The following ATXN7L1 variants were observed in gnomAD, a reference collection of about 807,000 sequenced individuals.
The protein encoded by ATXN7L1 is ataxin-7-like protein 1.
Under a neutral mutation model 70.8 loss-of-function variants are expected in ATXN7L1, and 15 were observed. The observed-to-expected ratio is 0.21, with a 90% CI of 0.14 to 0.33. ATXN7L1 has a LOEUF of 0.33. Among genes scored for constraint, ATXN7L1 ranks in the 10% least tolerant of loss-of-function variants. The pLI is 1.00. For synonymous variants in ATXN7L1, 440 were observed against 445.1 expected, an observed-to-expected ratio of 0.99 and a Z score of 0.14; for missense variants, 975 against 1,097.1, an observed-to-expected ratio of 0.89 and a Z score of 1.57.
intron 2 of ATXN7L1, among the ~76,000 whole-genome samples, chr7:105,836,212 C>A (rs777859764): frequency 1.3e-4 from 20 of 152,286 alleles, no homozygotes; most frequent in Middle Eastern, 6.8e-3. Flanking sequence ...ACCCCAAACT[C>A]TTGCAGTGAA....
intron 3 of ATXN7L1, among the ~76,000 whole-genome samples, chr7:105,768,575 C>A (rs1167937789): frequency 6.6e-6 from 1 of 152,214 alleles, no homozygotes; most frequent in East Asian, 1.9e-4. Context: ...GGTTTACATG[C>A]ATGAAACATG....
intron 3 of ATXN7L1, among the ~76,000 whole-genome samples, chr7:105,775,763 C>T (rs944744559): frequency 7.2e-5 from 11 of 152,154 alleles, no homozygotes; most frequent in African/African-American, 2.7e-4. Flanking sequence ...TCTAGGCCCA[C>T]GTTCTTAGGA....
At chr7:105,863,568 T>G (rs1249016340) in intron 2 of ATXN7L1, among the ~76,000 whole-genome samples, 1 of 152,138 alleles carries the variant, frequency 6.6e-6, no homozygotes, top group African/African-American at 2.4e-5. Flanking sequence ...TTCCCCTTAG[T>G]CCTAACCCTG....
intron 2 of ATXN7L1, among the ~76,000 whole-genome samples, chr7:105,864,554 C>T (rs1171147480): frequency 6.6e-6 from 1 of 150,926 alleles, no homozygotes; most frequent in Non-Finnish European, 1.5e-5. Flanking sequence ...GCCGGGGGCA[C>T]GAAGTACCCT....
At chr7:105,782,625 T>A (rs1373027328) in intron 3 of ATXN7L1, among the ~76,000 whole-genome samples, 1 of 152,222 alleles carries the variant, frequency 6.6e-6, no homozygotes, top group Non-Finnish European at 1.5e-5. Flanking sequence ...GGGGGCTCCA[T>A]GTCACCCCTG....
chr7:105,649,267 C>G, intron 4 of ATXN7L1: 1 of 733,538 alleles, frequency 1.4e-6, no homozygotes, highest in African/African-American at 1.9e-5. Flanking sequence ...AGGGCTGCAG[C>G]CTGTTCCCCT....
At position 105,700,184 on chromosome 7, in the gene ATXN7L1, C is replaced by T. The variant is rs1024758909; in HGVS notation, c.356-34896G>A. Among the ~76,000 whole-genome samples, 3 of 152,204 alleles carry T rather than the reference C, an allele frequency of 2.0e-5. No homozygotes were observed. The East Asian group carries it at 5.8e-4, about 29-fold the overall frequency. ...TGTTTTCTTTTGTGAAAGGAATATT[C>T]CAATGACTGGGGCTGGTGGTGCTAG... On this transcript the variant is annotated intron_variant, in intron 3 of 11. Coordinates refer to ENST00000419735, the MANE Select transcript of ATXN7L1 (RefSeq NM_020725.2).
intron 3 of ATXN7L1, among the ~76,000 whole-genome samples, chr7:105,670,290 C>G (rs1429666453): frequency 2.0e-5 from 3 of 152,178 alleles, no homozygotes; most frequent in African/African-American, 7.2e-5. Flanking sequence ...GAGGCTCAAT[C>G]ATGTCTTTCT....
intron 2 of ATXN7L1, among the ~76,000 whole-genome samples, chr7:105,794,108 A>T (rs1805657219): frequency 6.6e-6 from 1 of 152,094 alleles, no homozygotes. Flanking sequence ...TATTTCATTT[A>T]AAAAATGCTC....
intron 7 of ATXN7L1, among the ~76,000 whole-genome samples, chr7:105,630,657 G>A (rs1457805803): frequency 3.3e-5 from 5 of 152,062 alleles, no homozygotes; most frequent in African/African-American, 1.2e-4. Context: ...GGGAAGCAGA[G>A]GTTGCACTGA....
intron 3 of ATXN7L1, among the ~76,000 whole-genome samples, chr7:105,701,963 G>A (rs764417279): frequency 2.0e-5 from 3 of 152,216 alleles, no homozygotes; most frequent in Non-Finnish European, 2.9e-5. Context: ...GGAAACTCAA[G>A]CAGACGTGTT....
intron 3 of ATXN7L1, among the ~76,000 whole-genome samples, chr7:105,688,890 T>C (rs1164234159): frequency 1.3e-5 from 2 of 152,244 alleles, no homozygotes; most frequent in Admixed American, 6.5e-5. Flanking sequence ...ATCAGCTTAC[T>C]TTCTTGTTTC....
intron 3 of ATXN7L1, among the ~76,000 whole-genome samples, chr7:105,772,063 ATTTTTTTTTTTTT>A (rs533366742): frequency 1.0e-4 from 10 of 99,826 alleles, no homozygotes; most frequent in South Asian, 9.4e-4. Flanking sequence ...TCAGATTGGA[ATTTTTTTTTTTTT>A]TTTTTTTTTT....
At chr7:105,766,476 G>C (rs1261326851) in intron 3 of ATXN7L1, among the ~76,000 whole-genome samples, 1 of 152,210 alleles carries the variant, frequency 6.6e-6, no homozygotes, top group African/African-American at 2.4e-5. Flanking sequence ...GACATGAGAT[G>C]TTGAGCTCAC....
chr7:105,768,650 G>A (rs1265615333), intron 3 of ATXN7L1, among the ~76,000 whole-genome samples: 1 of 152,186 alleles, frequency 6.6e-6, no homozygotes, highest in Non-Finnish European at 1.5e-5. Flanking sequence ...AATGCTGAAG[G>A]GATTTATTCC....
chr7:105,680,250 TAG>T (rs1805357519), intron 3 of ATXN7L1, among the ~76,000 whole-genome samples: 1 of 152,130 alleles, frequency 6.6e-6, no homozygotes, highest in South Asian at 2.1e-4. Flanking sequence ...TTAGAGAGAT[TAG>T]AGAGGGCATT....
chr7:105,751,932 C>G (rs1285183132), intron 3 of ATXN7L1, among the ~76,000 whole-genome samples: 1 of 152,232 alleles, frequency 6.6e-6, no homozygotes, highest in Non-Finnish European at 1.5e-5. Context: ...TTCAAACAAC[C>G]ATAATCTTGA....
chr7:105,711,203 C>T (rs562352715), intron 3 of ATXN7L1, among the ~76,000 whole-genome samples: 1 of 152,166 alleles, frequency 6.6e-6, no homozygotes, highest in African/African-American at 2.4e-5. Context: ...AATGACCTCC[C>T]ACTAGGCCCC....
chr7:105,711,015 T>G (rs1793840206), intron 3 of ATXN7L1, among the ~76,000 whole-genome samples: 1 of 152,168 alleles, frequency 6.6e-6, no homozygotes, highest in African/African-American at 2.4e-5. Context: ...TCAGATCTCA[T>G]GAGAATTTAT....
Sources: gnomAD v4.1 joint callset for allele counts (sites outside exome capture counted in the v4.1 genomes callset) on GRCh38, gnomAD v4.1.1 for gene constraint, MANE v1.5 for transcripts, NCBI Gene and HGNC (gene_info 2026-07-23, HGNC 2026-07-21) for gene names.